The following PCDHGA5 variants were observed in gnomAD, a reference collection of about 807,000 sequenced individuals.
PCDHGA5 encodes protocadherin gamma subfamily A, 5.
Under a neutral mutation model 56.7 loss-of-function variants are expected in PCDHGA5, and 36 were observed. The ratio of observed to expected loss-of-function variants is 0.64; its 90% CI spans 0.49 to 0.84. PCDHGA5 has a LOEUF of 0.84. Among genes scored for constraint, PCDHGA5 ranks in the 40% least tolerant of loss-of-function variants. The pLI is 0.00. For synonymous variants in PCDHGA5, 563 were observed against 520.2 expected (o/e 1.08, Z -1.12); for missense variants, 1,305 against 1,201.5 (o/e 1.09, Z -1.27).
chr5:141,470,123 C>T (rs368463710), intron 1 of PCDHGA5, among the ~76,000 whole-genome samples: 11 of 151,234 alleles, frequency 7.3e-5, no homozygotes, highest in Admixed American at 3.3e-4. Flanking sequence ...AGCAAGACTT[C>T]GTCTCAAAAA....
intron 1 of PCDHGA5, among the ~76,000 whole-genome samples, chr5:141,465,879 T>C (rs979784878): frequency 6.6e-6 from 1 of 152,062 alleles, no homozygotes; most frequent in African/African-American, 2.4e-5. Context: ...TCCCAGCACT[T>C]TGGGAGGCCG....
At position 141,509,907 on chromosome 5, in the gene PCDHGA5, C is replaced by G. The variant is rs149338646; in HGVS notation, c.2570-1040C>G. Among the ~76,000 whole-genome samples, 567 of 152,300 alleles carry G rather than the reference C, an allele frequency of 3.7e-3. 5 individuals carry two copies. Among genetic ancestry groups the G allele is most frequent in the Admixed American group, 0.011 (163 of 15,296 alleles). ...GTGACTGACTGTCCCTTCCAGCATGCGCTTAGGTACACTTGGGCCTGAATG... is the reference window on the plus strand; with the variant it reads ...GTGACTGACTGTCCCTTCCAGCATGGGCTTAGGTACACTTGGGCCTGAATG... On this transcript the variant is annotated intron_variant, in intron 3 of 3. Coordinates refer to ENST00000518069, the MANE Select transcript of PCDHGA5 (RefSeq NM_018918.3).
Position 141,365,006 on chromosome 5 carries a change from A to ACG in PCDHGA5, c.678_679dup (p.His227ArgfsTer24). On this transcript the variant is annotated frameshift_variant, in exon 1 of 4. Transcript: ENST00000518069. LOFTEE classifies it high-confidence loss of function. ...CGGAGACCCGGTACTCTCCGGCACC[A>ACG]CGCACATCCGTGTTACGGTCCTCGA... 7 of 1,613,882 alleles carry ACG rather than the reference A, an allele frequency of 4.3e-6. No homozygotes were observed. Among genetic ancestry groups the ACG allele is most frequent in the Non-Finnish European group, 5.9e-6 (7 of 1,179,900 alleles).
At chr5:141,422,470 T>G in intron 1 of PCDHGA5, 1 of 1,613,440 alleles carries the variant, frequency 6.2e-7, no homozygotes, top group South Asian at 1.1e-5. Flanking sequence ...GGACAGGGAG[T>G]TGGTCCAGAG....
At chr5:141,504,517 T>C (rs1057166865) in intron 2 of PCDHGA5, among the ~76,000 whole-genome samples, 5 of 151,918 alleles carry the variant, frequency 3.3e-5, no homozygotes, top group African/African-American at 1.2e-4. Context: ...TCTCCTCTGA[T>C]ATATTTTATT....
chr5:141,414,776 T>G (rs766689016), intron 1 of PCDHGA5: 14 of 1,614,212 alleles, frequency 8.7e-6, no homozygotes, highest in Non-Finnish European at 1.1e-5. Context: ...GAGCTACAGA[T>G]GCAGGTGACA....
Position 141,490,982 on chromosome 5 carries a change from G to A in PCDHGA5, c.2422-3825G>A, listed in dbSNP as rs964673026. 5 of 1,613,994 alleles carry A rather than the reference G, an allele frequency of 3.1e-6. No homozygotes were observed. Among genetic ancestry groups the A allele is most frequent in the Admixed American group, 1.7e-5 (1 of 60,020 alleles). On this transcript the variant is annotated intron_variant, in intron 1 of 3. Coordinates refer to ENST00000518069, the MANE Select transcript of PCDHGA5 (RefSeq NM_018918.3). This position sits in a 1 kb window ranked among gnomAD's most constrained non-coding sequence, Gnocchi z 5.4. The stretch of plus-strand genomic sequence containing the variant: ...CACTCAGCCCCCCAGCGTCTCCCTC[G>A]CTCTGCTCCTCCTGGCTCCTTGGTC...
At chr5:141,409,867 C>T (rs376725837) in intron 1 of PCDHGA5, 35 of 1,612,662 alleles carry the variant, frequency 2.2e-5, no homozygotes, top group African/African-American at 2.1e-4. Flanking sequence ...TGGGAGACCG[C>T]AATGACAACG....
chr5:141,420,156 A>T lies in PCDHGA5; in HGVS notation c.2421+53405A>T, dbSNP rs1406451882. ...GGGGATCAAATGAATCCAGAATTTA[A>T]TTTTTTCACATCTGTTGATCATTGT... On this transcript the variant is annotated intron_variant, in intron 1 of 3. Coordinates refer to ENST00000518069, the MANE Select transcript of PCDHGA5 (RefSeq NM_018918.3). The T allele has an allele frequency of 1.4e-5, 22 of 1,613,872 alleles. No individual in the cohort carries two copies. Among genetic ancestry groups the T allele is most frequent in the Middle Eastern group, 3.3e-4 (2 of 6,084 alleles).
intron 1 of PCDHGA5, among the ~76,000 whole-genome samples, chr5:141,444,880 G>A (rs527554886): frequency 6.6e-6 from 1 of 152,150 alleles, no homozygotes; most frequent in Non-Finnish European, 1.5e-5. Context: ...AAGCTTGTAG[G>A]ATTTTTGAAT....
At chr5:141,385,719 G>A (rs970031267) in intron 1 of PCDHGA5, 6 of 232,964 alleles carry the variant, frequency 2.6e-5, no homozygotes, top group Non-Finnish European at 3.6e-5. Context: ...ATATGTAAAA[G>A]GTTCTGAAAG....
chr5:141,413,483 G>A (rs2095646690), intron 1 of PCDHGA5: 1 of 1,614,080 alleles, frequency 6.2e-7, no homozygotes, highest in East Asian at 2.2e-5. Flanking sequence ...TGCGCTCAGA[G>A]CGCGCGGTGC....
intron 1 of PCDHGA5, chr5:141,399,810 C>A (rs148150333): frequency 2.5e-6 from 4 of 1,613,076 alleles, no homozygotes; most frequent in Middle Eastern, 1.7e-4. Flanking sequence ...TGCTGTACCC[C>A]GCGCTGGGTC....
At chr5:141,407,980 C>T in intron 1 of PCDHGA5, 1 of 760,358 alleles carries the variant, frequency 1.3e-6, no homozygotes, top group Non-Finnish European at 2.0e-6. Context: ...CGCCGGGGAT[C>T]CGTCAGCCTC....
chr5:141,374,528 T>C (rs759567011), intron 1 of PCDHGA5: 27 of 1,612,930 alleles, frequency 1.7e-5, no homozygotes, highest in Non-Finnish European at 2.1e-5. Context: ...CGCAGCTCCA[T>C]CCTCTCGTTT....
chr5:141,409,056 C>T, intron 1 of PCDHGA5: 2 of 1,613,926 alleles, frequency 1.2e-6, no homozygotes, highest in South Asian at 1.1e-5. Context: ...CGAAGCACTG[C>T]CCAGAGCACA....
At chr5:141,504,671 G>C (rs1459848730) in intron 2 of PCDHGA5, among the ~76,000 whole-genome samples, 1 of 111,068 alleles carries the variant, frequency 9.0e-6, no homozygotes, top group East Asian at 3.2e-4. Context: ...GGGGGGTGGG[G>C]GTTCTTGTAA....
In PCDHGA5 at chr5:141,408,212, A is replaced by C. The variant is rs1360693546; in HGVS notation, c.2421+41461A>C. ...AGAACCCGAGCGAACGATGGGAGGGAGCTGCGCGCAGAGGCGCCGGGCCGG... is the reference window on the plus strand; with the variant it reads ...AGAACCCGAGCGAACGATGGGAGGGCGCTGCGCGCAGAGGCGCCGGGCCGG... On this transcript the variant is annotated intron_variant, in intron 1 of 3. Coordinates refer to ENST00000518069, the MANE Select transcript of PCDHGA5 (RefSeq NM_018918.3). 1.9e-6 allele frequency: 3 copies of C among 1,554,492 alleles called. No individual in the cohort carries two copies. In the Admixed American group the frequency reaches 5.9e-5, roughly 30 times the overall value.
At chr5:141,411,189 T>C (rs1222862554) in intron 1 of PCDHGA5, 1 of 152,208 alleles carries the variant, frequency 6.6e-6, no homozygotes, top group Non-Finnish European at 1.5e-5. Context: ...TCTTGGCATC[T>C]AAGAAAACAA....
Sources: allele counts gnomAD v4.1 joint callset (sites outside exome capture counted in the v4.1 genomes callset), GRCh38; gene constraint gnomAD v4.1.1; non-coding constraint Gnocchi (gnomAD v3.1); transcripts MANE v1.5; gene names NCBI Gene and HGNC (gene_info 2026-07-23, HGNC 2026-07-21).